Variants in RASEF observed in about 807,000 individuals in gnomAD.
RASEF encodes RAS and EF-hand domain containing.
Under a neutral mutation model 90.1 loss-of-function variants are expected in RASEF, and 68 were observed. That is an observed-to-expected ratio of 0.75 (90% CI 0.62 to 0.92). The LOEUF (loss-of-function observed/expected upper bound fraction) is 0.92, where lower values mean the gene tolerates loss of function less well. Among genes scored for constraint, RASEF ranks in the 40% least tolerant of loss-of-function variants. RASEF has a pLI of 0.00. For missense variants in RASEF, 949 were observed against 937.2 expected, an observed-to-expected ratio of 1.01 and a Z score of -0.16; for synonymous variants, 331 against 345.2, an observed-to-expected ratio of 0.96 and a Z score of 0.46.
chr9:83,089,399 T>C, the RASEF span, among the ~76,000 whole-genome samples: 1 of 152,168 alleles, frequency 6.6e-6, no homozygotes, highest in Non-Finnish European at 1.5e-5. Flanking sequence ...TTTATGTTGA[T>C]TCACATTACT....
chr9:83,087,190 A>G, the RASEF span, among the ~76,000 whole-genome samples: 1 of 152,178 alleles, frequency 6.6e-6, no homozygotes, highest in Non-Finnish European at 1.5e-5. Flanking sequence ...GACATTGAAG[A>G]CAAAATTGTT....
chr9:82,984,086 C>T (rs1458218868), intron 16 of RASEF, among the ~76,000 whole-genome samples: 2 of 152,282 alleles, frequency 1.3e-5, no homozygotes, highest in African/African-American at 4.8e-5. Context: ...TGTGTCTCTC[C>T]AGCAGAGCCA....
chr9:83,062,324 C>G (rs1355120165), intron 1 of RASEF, 113 bp downstream of exon 1: 1 of 966,930 alleles, frequency 1.0e-6, no homozygotes, highest in African/African-American at 2.4e-5. Context: ...AGACAAGCAA[C>G]TCACAGAGAA....
chr9:83,164,006 A>G, the RASEF span, among the ~76,000 whole-genome samples: 1 of 151,056 alleles, frequency 6.6e-6, no homozygotes, highest in Non-Finnish European at 1.5e-5. Flanking sequence ...GAAAAAAAAA[A>G]AACCCTACCA....
chr9:83,025,718 G>A, intron 2 of RASEF, 57 bp downstream of exon 2: 2 of 1,561,852 alleles, frequency 1.3e-6, no homozygotes, highest in Non-Finnish European at 1.8e-6. Flanking sequence ...TTGCCACCCA[G>A]GTCAGAGAGC....
the RASEF span, among the ~76,000 whole-genome samples, chr9:83,189,159 A>G: frequency 6.6e-6 from 1 of 152,188 alleles, no homozygotes; most frequent in Non-Finnish European, 1.5e-5. Context: ...AGGTAATTGA[A>G]TCATGGGGGC....
chr9:83,105,015 A>G, the RASEF span, among the ~76,000 whole-genome samples: 2 of 152,188 alleles, frequency 1.3e-5, no homozygotes, highest in Non-Finnish European at 2.9e-5. Flanking sequence ...GCAAAGCTTC[A>G]TATTTATTGA....
In RASEF at chr9:82,990,520, A is replaced by G. The variant is rs920249094; in HGVS notation, c.2041-53T>C. ...ATGAAGCCCTTCATTGAGTTTCCTG[A>G]AATTTTAGCTTTTAAAATCAGTAAA... is the stretch of plus-strand genomic sequence containing the variant. On this transcript the variant is annotated intron_variant, in intron 15 of 16. Coordinates refer to ENST00000376447, the MANE Select transcript of RASEF (RefSeq NM_152573.4). 3.0e-6 allele frequency: 4 copies of G among 1,331,472 alleles called. No individual in the cohort carries two copies. The African/African-American group carries it at 4.4e-5, about 15-fold the overall frequency. The allele number at this position is 1,331,472 out of a possible 1,614,324, so 82.5% of individuals were successfully genotyped here. A position where few individuals can be genotyped will look rare whatever the true frequency, so the allele number is the denominator to read the frequency against.
the RASEF span, among the ~76,000 whole-genome samples, chr9:83,157,926 A>T: frequency 6.6e-6 from 1 of 152,216 alleles, no homozygotes; most frequent in Non-Finnish European, 1.5e-5. Flanking sequence ...ATCAGCACTT[A>T]ATTCATTTAA....
the RASEF span, among the ~76,000 whole-genome samples, chr9:83,164,778 A>G: frequency 6.6e-6 from 1 of 152,014 alleles, no homozygotes; most frequent in African/African-American, 2.4e-5. Flanking sequence ...AAATATAAAG[A>G]TGCAAATTGA....
rs557481437 is a variant in RASEF, at chr9:83,044,349, T to C, written c.431+18088A>G. Among the ~76,000 whole-genome samples the C allele has an allele frequency of 2.6e-5, 4 of 152,200 alleles. No individual in the cohort carries two copies. In the South Asian group the frequency reaches 8.3e-4, roughly 32 times the overall value. On this transcript the variant is annotated intron_variant, in intron 1 of 16. Transcript: ENST00000376447. ...TATGGCTGCCCAAATCCAAGATGTA[T>C]CTTCTGTGAGGTGCTCAGTTTGAAG...
the RASEF span, among the ~76,000 whole-genome samples, chr9:83,135,867 T>A: frequency 6.6e-6 from 1 of 152,106 alleles, no homozygotes; most frequent in Non-Finnish European, 1.5e-5. Context: ...AACCCTTAGT[T>A]AAAACTGCCT....
At chr9:83,114,554 T>C in the RASEF span, among the ~76,000 whole-genome samples, 2 of 152,198 alleles carry the variant, frequency 1.3e-5, no homozygotes, top group Admixed American at 6.5e-5. Context: ...CAAAAGCAAC[T>C]GGGAAAAATA....
chr9:83,177,060 A>G, the RASEF span, among the ~76,000 whole-genome samples: 13 of 152,202 alleles, frequency 8.5e-5, no homozygotes, highest in East Asian at 2.5e-3. Context: ...TTTATTAGTA[A>G]ACATTGTATT....
the RASEF span, among the ~76,000 whole-genome samples, chr9:83,148,209 G>T: frequency 1.3e-5 from 2 of 152,000 alleles, no homozygotes; most frequent in Non-Finnish European, 2.9e-5. Flanking sequence ...ATCATAAAGT[G>T]TTTTTTACCT....
chr9:83,105,939 C>T, the RASEF span, among the ~76,000 whole-genome samples: 53 of 152,294 alleles, frequency 3.5e-4, no homozygotes, highest in African/African-American at 1.3e-3. Flanking sequence ...AGATCATCAT[C>T]ATCTAAGCCC....
At chr9:83,064,156 T>C (rs1830261407), upstream of RASEF, among the ~76,000 whole-genome samples, 1 of 152,252 alleles carries the variant, frequency 6.6e-6, no homozygotes, top group African/African-American at 2.4e-5. Flanking sequence ...CCTACTAGGC[T>C]AGTGTTCTTA....
chr9:82,986,891 T>A (rs1828719947), intron 16 of RASEF, among the ~76,000 whole-genome samples: 1 of 152,206 alleles, frequency 6.6e-6, no homozygotes, highest in Non-Finnish European at 1.5e-5. Flanking sequence ...CGATGACCTA[T>A]CAGCACTATA....
the RASEF span, among the ~76,000 whole-genome samples, chr9:83,189,048 C>A: frequency 2.0e-5 from 3 of 152,186 alleles, no homozygotes; most frequent in Non-Finnish European, 4.4e-5. Context: ...GTCAAAGCAT[C>A]TTTGTCACCA....
Sources: gnomAD v4.1 joint callset for allele counts (sites outside exome capture counted in the v4.1 genomes callset) on GRCh38, gnomAD v4.1.1 for gene constraint, MANE v1.5 for transcripts, NCBI Gene and HGNC (gene_info 2026-07-23, HGNC 2026-07-21) for gene names.